Variants in COL11A1 observed in about 807,000 individuals in gnomAD.
COL11A1 encodes the protein collagen type XI alpha 1 chain.
A neutral mutation model predicts 265.2 loss-of-function variants in COL11A1; 74 were observed. The ratio of observed to expected loss-of-function variants is 0.28; its 90% CI spans 0.23 to 0.34. The LOEUF is 0.34. COL11A1 is among the 10% of genes least tolerant of loss of function. The probability of loss-of-function intolerance (pLI) is 1.00; values close to 1 mark genes in which losing one functional copy is unlikely to be tolerated. For synonymous variants in COL11A1, 816 were observed against 727.6 expected, an observed-to-expected ratio of 1.12 and a Z score of -1.96; for missense variants, 2,165 against 2,263.6, an observed-to-expected ratio of 0.96 and a Z score of 0.88.
intron 4 of COL11A1, among the ~76,000 whole-genome samples, chr1:103,037,110 A>AT (rs1557978979): frequency 2.0e-5 from 3 of 150,138 alleles, no homozygotes; most frequent in African/African-American, 4.9e-5. Flanking sequence ...TTTTTTGTTC[A>AT]TTTTTTTACT....
At chr1:102,943,975 C>A (rs982150684) in intron 42 of COL11A1, among the ~76,000 whole-genome samples, 10 of 152,010 alleles carry the variant, frequency 6.6e-5, no homozygotes, top group African/African-American at 2.4e-4. Context: ...AGGTTTTAGC[C>A]CCTTTCTTCT....
chr1:103,008,166 C>T (rs1665796475), intron 15 of COL11A1, among the ~76,000 whole-genome samples: 1 of 152,084 alleles, frequency 6.6e-6, no homozygotes, highest in Non-Finnish European at 1.5e-5. Flanking sequence ...AATAAACTCT[C>T]TACATTTTCA....
intron 57 of COL11A1, among the ~76,000 whole-genome samples, chr1:102,895,852 CTAAGTA>C (rs776770207): frequency 7.3e-5 from 11 of 150,780 alleles, no homozygotes; most frequent in Non-Finnish European, 1.3e-4. Context: ...TCTAACTTTT[CTAAGTA>C]TAATTGTACT....
At chr1:102,964,239 G>T (rs1351513159) in intron 38 of COL11A1, among the ~76,000 whole-genome samples, 2 of 152,080 alleles carry the variant, frequency 1.3e-5, no homozygotes, top group Non-Finnish European at 2.9e-5. Flanking sequence ...TTCCATTTCT[G>T]TTTATGGATA....
intron 35 of COL11A1, among the ~76,000 whole-genome samples, chr1:102,977,868 C>T (rs1570926043): frequency 6.6e-6 from 1 of 151,950 alleles, no homozygotes; most frequent in African/African-American, 2.4e-5. Context: ...CTCCCATTTT[C>T]GTCACAAATA....
Position 102,878,162 on chromosome 1 carries a change from T to C in COL11A1, c.5278A>G (p.Arg1760Gly), listed in dbSNP as rs1420937590. The C allele has an allele frequency of 1.2e-6, 2 of 1,610,690 alleles. No homozygotes were observed. Among genetic ancestry groups the C allele is most frequent in the Non-Finnish European group, 1.7e-6 (2 of 1,177,858 alleles). Residue 1760 changes from arginine to glycine, a missense_variant, in exon 67 of 67, where the codon AGA (arginine) becomes GGA (glycine). Transcript: ENST00000370096. ...IKTLYDGCAS[R>G]KGYEKTVIEI... ...ATGACAGTCTTTTCATAGCCTTTTC[T>C]GGACTGTAAAATAAAGCAGAAATAA...
intron 1 of COL11A1, among the ~76,000 whole-genome samples, chr1:103,096,376 A>G (rs1206324556): frequency 6.6e-6 from 1 of 152,022 alleles, no homozygotes; most frequent in Non-Finnish European, 1.5e-5. Flanking sequence ...AGAGAAAATG[A>G]GTAAAGCTTA....
intron 1 of COL11A1, among the ~76,000 whole-genome samples, chr1:103,106,470 A>G (rs1674698905): frequency 6.6e-6 from 1 of 152,206 alleles, no homozygotes; most frequent in Non-Finnish European, 1.5e-5. Context: ...CTCATGTCCC[A>G]CGGTAGACGC....
chr1:102,979,706 A>G, intron 31 of COL11A1: 1 of 482,018 alleles, frequency 2.1e-6, no homozygotes, highest in Non-Finnish European at 3.8e-6. Flanking sequence ...CTCTTGTTAT[A>G]AAACAGTAAT....
At chr1:103,034,191 A>C (rs1385577549) in intron 4 of COL11A1, among the ~76,000 whole-genome samples, 2 of 152,028 alleles carry the variant, frequency 1.3e-5, no homozygotes, top group Admixed American at 1.3e-4. Context: ...AGATTTTACA[A>C]GTTTATCAGA....
At chr1:102,915,800 AG>A in intron 49 of COL11A1, 116 bp from the exon 50 acceptor site, 1 of 829,950 alleles carries the variant, frequency 1.2e-6, no homozygotes, top group East Asian at 2.7e-5. Flanking sequence ...ATTATTTAAA[AG>A]GCATTGAAAA....
intron 62 of COL11A1, among the ~76,000 whole-genome samples, chr1:102,887,524 G>T (rs1002770880): frequency 7.9e-5 from 12 of 152,052 alleles, no homozygotes; most frequent in African/African-American, 2.9e-4. Context: ...ACATTAGTTT[G>T]CTTCAAATAT....
intron 57 of COL11A1, among the ~76,000 whole-genome samples, 184 bp from the exon 58 acceptor site, chr1:102,890,688 TTTGTAACCA>T: frequency 6.6e-6 from 1 of 152,186 alleles, no homozygotes; most frequent in East Asian, 1.9e-4. Context: ...TATGGTTTAA[TTTGTAACCA>T]TAATATTGAT....
chr1:102,878,004 T>G lies in COL11A1; in HGVS notation c.*15A>C. The G allele has an allele frequency of 6.2e-7, 1 of 1,613,068 alleles. No individual in the cohort carries two copies. Among genetic ancestry groups the G allele is most frequent in the South Asian group, 1.1e-5 (1 of 91,060 alleles). The stretch of plus-strand genomic sequence containing the variant: ...GTATATTTTCTGTTGATTTGATATG[T>G]TCTTTGTCTTAATCTTAGCCAAGAA... On this transcript the variant is annotated 3_prime_UTR_variant, in exon 67 of 67. Coordinates refer to ENST00000370096, the MANE Select transcript of COL11A1 (RefSeq NM_001854.4).
At chr1:102,889,071 A>G in intron 59 of COL11A1, 152 bp from the exon 60 acceptor site, 1 of 751,952 alleles carries the variant, frequency 1.3e-6, no homozygotes, top group Non-Finnish European at 2.3e-6. Flanking sequence ...TTCCATGGTG[A>G]ATCTAAAAAA....
intron 3 of COL11A1, among the ~76,000 whole-genome samples, chr1:103,077,539 AGTCTC>A (rs1672071998): frequency 6.6e-6 from 1 of 152,102 alleles, no homozygotes; most frequent in African/African-American, 2.4e-5. Context: ...AAAGTTGTAA[AGTCTC>A]AGTAAAACTG....
intron 28 of COL11A1, among the ~76,000 whole-genome samples, chr1:102,993,346 C>T (rs1664320724): frequency 6.6e-6 from 1 of 151,942 alleles, no homozygotes; most frequent in Non-Finnish European, 1.5e-5. Context: ...TTCCAGGACC[C>T]CAACCCAACT....
chr1:102,937,349 G>A (rs1393220019), intron 44 of COL11A1, among the ~76,000 whole-genome samples: 1 of 151,178 alleles, frequency 6.6e-6, no homozygotes, highest in African/African-American at 2.4e-5. Context: ...TCTGTCGAGT[G>A]TATAAGGTAG....
intron 15 of COL11A1, among the ~76,000 whole-genome samples, chr1:103,008,232 C>T (rs530731852): frequency 3.1e-4 from 47 of 152,216 alleles, no homozygotes; most frequent in African/African-American, 1.1e-3. Context: ...ATTTTCCATC[C>T]TTTTAATGGC....
Sources: allele counts gnomAD v4.1 joint callset (sites outside exome capture counted in the v4.1 genomes callset), GRCh38; gene constraint gnomAD v4.1.1; transcripts MANE v1.5; gene names NCBI Gene and HGNC (gene_info 2026-07-23, HGNC 2026-07-21).